ZNF678: variants seen among roughly 807,000 people sequenced by gnomAD.
ZNF678 encodes hypothetical protein MGC42493.
Under a neutral mutation model 3.0 loss-of-function variants are expected in ZNF678, and 5 were observed. The ratio of observed to expected loss-of-function variants is 1.69; its 90% confidence interval spans 0.88 to 3.56. The LOEUF (loss-of-function observed/expected upper bound fraction) is 3.56, where lower values mean the gene tolerates loss of function less well. Ranked by LOEUF, ZNF678 falls within the 30% of genes most tolerant of loss-of-function variation. ZNF678 has a pLI of 0.00. For missense variants in ZNF678, 593 were observed against 605.0 expected, an observed-to-expected ratio of 0.98 and a Z score of 0.21; for synonymous variants, 218 against 199.6, an observed-to-expected ratio of 1.09 and a Z score of -0.78.
intron 1 of ZNF678, among the ~76,000 whole-genome samples, chr1:227,633,934 C>A (rs1040786356): frequency 6.6e-6 from 1 of 152,208 alleles, no homozygotes; most frequent in Non-Finnish European, 1.5e-5. Flanking sequence ...TAACCCCAGG[C>A]TTCACAGCTC....
At chr1:227,639,249 G>A (rs1658757896) in intron 1 of ZNF678, among the ~76,000 whole-genome samples, 1 of 152,244 alleles carries the variant, frequency 6.6e-6, no homozygotes, top group Non-Finnish European at 1.5e-5. Flanking sequence ...CCAGGTGGAG[G>A]TGGATTGCTA....
At chr1:227,588,623 C>T (rs1196982804) in intron 1 of ZNF678, among the ~76,000 whole-genome samples, 1 of 151,600 alleles carries the variant, frequency 6.6e-6, no homozygotes, top group Non-Finnish European at 1.5e-5. Flanking sequence ...CCTCAACCTC[C>T]TGAGTAGCTG....
intron 1 of ZNF678, chr1:227,582,530 T>C (rs566104121): frequency 4.4e-5 from 8 of 180,550 alleles, no homozygotes; most frequent in Non-Finnish European, 9.1e-5. Context: ...ATTCTCACTA[T>C]GTTGCCCAGG....
At position 227,646,624 on chromosome 1, in the gene ZNF678, G is replaced by A. The variant is rs868352202; in HGVS notation, c.-83G>A. Reference sequence around the variant, plus strand: ...GCCTGGACCCTGCCCAGCGAAATTTGTATAGGGATGTGATGTTCGAGAACT... The same window carrying A: ...GCCTGGACCCTGCCCAGCGAAATTTATATAGGGATGTGATGTTCGAGAACT... On this transcript the variant is annotated 5_prime_UTR_variant, in exon 2 of 4. Transcript: ENST00000343776. The A allele has an allele frequency of 7.3e-7, 1 of 1,372,446 alleles. No individual in the cohort carries two copies. Among genetic ancestry groups the A allele is most frequent in the Non-Finnish European group, 9.8e-7 (1 of 1,024,758 alleles). The allele number at this position is 1,372,446 out of a possible 1,614,324, so 85.0% of individuals were successfully genotyped here.
intron 1 of ZNF678, among the ~76,000 whole-genome samples, chr1:227,581,375 G>A (rs1366534081): frequency 6.6e-6 from 1 of 150,592 alleles, no homozygotes; most frequent in East Asian, 2.0e-4. Context: ...GGAAGGAAGA[G>A]AGGAAAAGAA....
At chr1:227,627,902 CG>C (rs1558148023) in intron 1 of ZNF678, among the ~76,000 whole-genome samples, 2 of 152,184 alleles carry the variant, frequency 1.3e-5, no homozygotes, top group African/African-American at 4.8e-5. Flanking sequence ...TCCCCTCGAG[CG>C]GTGTAGGTTT....
chr1:227,590,857 C>T (rs1327137434), intron 1 of ZNF678, among the ~76,000 whole-genome samples: 2 of 151,722 alleles, frequency 1.3e-5, no homozygotes, highest in Admixed American at 1.3e-4. Context: ...GGTCTTCCTA[C>T]AGGAAGGGTG....
chr1:227,604,926 G>A (rs769665479), intron 1 of ZNF678, among the ~76,000 whole-genome samples: 1 of 151,740 alleles, frequency 6.6e-6, no homozygotes, highest in Admixed American at 6.6e-5. Flanking sequence ...TGCAATCTCC[G>A]CTCACTGCAA....
chr1:227,616,910 G>A (rs1658156842), intron 1 of ZNF678, among the ~76,000 whole-genome samples: 1 of 152,182 alleles, frequency 6.6e-6, no homozygotes, highest in African/African-American at 2.4e-5. Flanking sequence ...TCCCAGTGGG[G>A]TCCAGAGCAA....
intron 1 of ZNF678, among the ~76,000 whole-genome samples, chr1:227,579,788 G>A (rs1053440957): frequency 6.6e-6 from 1 of 152,238 alleles, no homozygotes; most frequent in African/African-American, 2.4e-5. Context: ...GGTCAGACCA[G>A]CGCCATCTGA....
rs1294294494 is a variant in ZNF678, at chr1:227,655,050, G to A, written c.800G>A (p.Cys267Tyr). The A allele has an allele frequency of 9.9e-6, 16 of 1,612,120 alleles. No homozygotes were observed. Among genetic ancestry groups the A allele is most frequent in the Non-Finnish European group, 1.4e-5 (16 of 1,179,332 alleles). The change falls in exon 4 of 4, where the codon TGT becomes TAT. Residue 267 changes from cysteine (C) to tyrosine (Y), a missense_variant. Transcript: ENST00000343776. Reference sequence around the variant, plus strand: ...CATACTGGAGAGAAACCTTACAAGTGTGAAGAATGTGGCAACGTTTTTAAT... The same window carrying A: ...CATACTGGAGAGAAACCTTACAAGTATGAAGAATGTGGCAACGTTTTTAAT... ...RIHTGEKPYK[C>Y]EECGNVFNEC...
intron 2 of ZNF678, among the ~76,000 whole-genome samples, chr1:227,649,266 G>A (rs1202517737): frequency 6.6e-6 from 1 of 152,092 alleles, no homozygotes; most frequent in Non-Finnish European, 1.5e-5. Flanking sequence ...CTTTTTCTAA[G>A]AGCCTTCATA....
At chr1:227,672,254 A>G (rs933090242) in intron 5 of ZNF678, among the ~76,000 whole-genome samples, 3 of 152,190 alleles carry the variant, frequency 2.0e-5, no homozygotes, top group African/African-American at 4.8e-5. Flanking sequence ...TGCCACCACC[A>G]TATGAGATTA....
At chr1:227,584,325 A>G (rs1657205584) in intron 1 of ZNF678, among the ~76,000 whole-genome samples, 1 of 152,232 alleles carries the variant, frequency 6.6e-6, no homozygotes, top group African/African-American at 2.4e-5. Flanking sequence ...CCTTGGTGAT[A>G]CAAGAACTTC....
At position 227,659,788 on chromosome 1, in the gene ZNF678, T is replaced by A. The variant is rs1659352134; in HGVS notation, c.*3960T>A. 6.6e-6 allele frequency: 1 copy of A among 152,030 alleles called. No homozygotes were observed. The highest frequency in any genetic ancestry group is 1.5e-5 in the Non-Finnish European group (1 of 68,004). 9.4% of individuals were successfully genotyped at this position (152,030 alleles called of 1,614,324 possible). A position where few individuals can be genotyped will look rare whatever the true frequency, so the allele number is the denominator to read the frequency against. On this transcript the variant is annotated 3_prime_UTR_variant, in exon 4 of 4. Coordinates refer to ENST00000343776, the MANE Select transcript of ZNF678 (RefSeq NM_001367909.1). ...ACATATATATATATCTTGTAACACA[T>A]GATGTTTGAAATGCTTAATTCTAGC...
downstream of ZNF678, among the ~76,000 whole-genome samples, chr1:227,679,517 C>G (rs187744957): frequency 2.6e-5 from 4 of 151,172 alleles, no homozygotes; most frequent in East Asian, 5.9e-4. Context: ...TCACGTACCC[C>G]CTGCTTGCTC....
At chr1:227,568,274 C>G (rs1022423837) in intron 1 of ZNF678, among the ~76,000 whole-genome samples, 7 of 151,858 alleles carry the variant, frequency 4.6e-5, no homozygotes, top group African/African-American at 1.7e-4. Flanking sequence ...TTTGCCACCT[C>G]CAGCATAAAT....
At chr1:227,643,863 CTT>C (rs554280668) in intron 1 of ZNF678, among the ~76,000 whole-genome samples, 2,562 of 115,204 alleles carry the variant, frequency 0.022, 29 homozygotes, top group African/African-American at 0.064. Flanking sequence ...CTTTTCTTTT[CTT>C]TTTTTTTTTT....
chr1:227,597,557 AT>A, intron 1 of ZNF678, among the ~76,000 whole-genome samples: 1 of 152,334 alleles, frequency 6.6e-6, no homozygotes, highest in Non-Finnish European at 1.5e-5. Context: ...TGTAATCAAA[AT>A]TAATTCAAAT....
Sources: gnomAD v4.1 joint callset for allele counts (sites outside exome capture counted in the v4.1 genomes callset) on GRCh38, gnomAD v4.1.1 for gene constraint, MANE v1.5 for transcripts, NCBI Gene and HGNC (gene_info 2026-07-23, HGNC 2026-07-21) for gene names.